OPCML: variants seen among roughly 807,000 people sequenced by gnomAD.
OPCML encodes opioid-binding protein/cell adhesion molecule.
OPCML carries 13 observed loss-of-function variants against 37.8 expected under a neutral mutation model. The observed-to-expected ratio is 0.34, with a 90% confidence interval of 0.22 to 0.55. The LOEUF is 0.55. OPCML is among the 20% of genes least tolerant of loss of function. The pLI is 0.91. For missense variants in OPCML, 341 were observed against 435.6 expected (o/e 0.78, Z 1.93); for synonymous variants, 176 against 168.8 (o/e 1.04, Z -0.33).
intron 4 of OPCML, among the ~76,000 whole-genome samples, chr11:132,469,594 T>TAGGG (rs2096129675): frequency 7.2e-6 from 1 of 139,648 alleles, no homozygotes; most frequent in Non-Finnish European, 1.6e-5. Flanking sequence ...GATGTATGTG[T>TAGGG]ATGTGTATAG....
intron 1 of OPCML, among the ~76,000 whole-genome samples, chr11:133,307,787 A>G (rs1356050253): frequency 6.6e-6 from 1 of 152,168 alleles, no homozygotes; most frequent in Admixed American, 6.5e-5. Flanking sequence ...ATGACCTTCA[A>G]AAAGTGCTTG....
chr11:133,159,697 G>T (rs1950116055), intron 1 of OPCML, among the ~76,000 whole-genome samples: 1 of 152,224 alleles, frequency 6.6e-6, no homozygotes, highest in Non-Finnish European at 1.5e-5. Context: ...GGAAGGCAGG[G>T]CTCTGTCACC....
intron 1 of OPCML, among the ~76,000 whole-genome samples, chr11:133,230,116 C>T (rs1277192917): frequency 6.6e-6 from 1 of 152,164 alleles, no homozygotes; most frequent in South Asian, 2.1e-4. Context: ...TTCTACTCAC[C>T]GTGGTCTTAG....
intron 2 of OPCML, among the ~76,000 whole-genome samples, chr11:132,913,230 T>A (rs967133879): frequency 1.3e-5 from 2 of 152,224 alleles, no homozygotes; most frequent in African/African-American, 4.8e-5. Flanking sequence ...TTAAAATCAA[T>A]GATTTGGAGA....
chr11:133,483,180 G>A (rs1947415285), intron 1 of OPCML, among the ~76,000 whole-genome samples: 1 of 152,052 alleles, frequency 6.6e-6, no homozygotes, highest in African/African-American at 2.4e-5. Context: ...GAAAAATGTT[G>A]AGGTAAAACA....
intron 1 of OPCML, among the ~76,000 whole-genome samples, chr11:133,462,598 A>G (rs1162141303): frequency 2.0e-5 from 3 of 151,154 alleles, no homozygotes; most frequent in Non-Finnish European, 4.4e-5. Context: ...CATGCTAACT[A>G]TTGGAGAAAT....
At chr11:133,449,334 C>A (rs1299224192) in intron 1 of OPCML, among the ~76,000 whole-genome samples, 1 of 152,214 alleles carries the variant, frequency 6.6e-6, no homozygotes. Flanking sequence ...TCTTGGAAAG[C>A]AGCTAAAGGC....
At chr11:133,388,157 T>A (rs544736418) in intron 1 of OPCML, among the ~76,000 whole-genome samples, 1 of 152,326 alleles carries the variant, frequency 6.6e-6, no homozygotes, top group African/African-American at 2.4e-5. Context: ...GGACCATGGC[T>A]GGCCCATAGA....
rs141412273 is a variant in OPCML at position 132,563,370 on chromosome 11, G to A, written c.380-34184C>T. ...ATAAGTGTGAGTGAGAAAGAGGTGT[G>A]TGTATGTTTCTGTATTTGGGTGCCT... is the stretch of plus-strand genomic sequence containing the variant. On this transcript the variant is annotated intron_variant, in intron 3 of 7. Transcript: ENST00000524381. 1.1e-4 allele frequency among the ~76,000 whole-genome samples: 17 copies of A among 152,134 alleles called. No homozygotes were observed. In the East Asian group the frequency reaches 3.1e-3, roughly 28 times the overall value.
intron 2 of OPCML, among the ~76,000 whole-genome samples, chr11:132,806,016 C>T (rs1418609731): frequency 2.6e-5 from 4 of 151,732 alleles, no homozygotes; most frequent in Admixed American, 6.6e-5. Flanking sequence ...CAATAGGAAG[C>T]GAGAATCAGA....
intron 2 of OPCML, among the ~76,000 whole-genome samples, chr11:132,883,388 G>C (rs140980049): frequency 2.6e-5 from 4 of 152,164 alleles, no homozygotes; most frequent in African/African-American, 4.8e-5. Context: ...ACCCGCAAGA[G>C]AGCACAGGAT....
intron 2 of OPCML, among the ~76,000 whole-genome samples, chr11:132,895,253 A>G (rs1376003406): frequency 3.3e-5 from 5 of 152,244 alleles, no homozygotes; most frequent in East Asian, 1.9e-4. Context: ...GGTGACTTCT[A>G]TATATGATAC....
chr11:132,631,111 C>A (rs1234955669), intron 3 of OPCML, among the ~76,000 whole-genome samples: 7 of 151,964 alleles, frequency 4.6e-5, no homozygotes, highest in African/African-American at 1.7e-4. Context: ...TACATTTTCT[C>A]AAACCTAGGG....
chr11:132,895,790 C>A (rs972202700), intron 2 of OPCML, among the ~76,000 whole-genome samples: 1 of 152,092 alleles, frequency 6.6e-6, no homozygotes, highest in African/African-American at 2.4e-5. Flanking sequence ...AATGCTGAGT[C>A]TCCTCAGAAT....
chr11:132,932,034 C>T (rs1262168977), intron 2 of OPCML, among the ~76,000 whole-genome samples: 1 of 152,092 alleles, frequency 6.6e-6, no homozygotes, highest in Non-Finnish European at 1.5e-5. Context: ...AGGATGAATG[C>T]TATAAAATAC....
chr11:133,032,520 C>T (rs1315649437), intron 1 of OPCML, among the ~76,000 whole-genome samples: 1 of 152,176 alleles, frequency 6.6e-6, no homozygotes, highest in Non-Finnish European at 1.5e-5. Context: ...ATCATTTGGA[C>T]ATTGATGCCT....
At chr11:132,668,445 G>C (rs1046103399) in intron 2 of OPCML, among the ~76,000 whole-genome samples, 1 of 152,164 alleles carries the variant, frequency 6.6e-6, no homozygotes, top group African/African-American at 2.4e-5. Context: ...CTTCATTTGT[G>C]CATCTGTGAA....
At chr11:133,045,219 G>T (rs1947984184) in intron 1 of OPCML, among the ~76,000 whole-genome samples, 1 of 152,144 alleles carries the variant, frequency 6.6e-6, no homozygotes, top group Non-Finnish European at 1.5e-5. Context: ...ACCTCTGGCA[G>T]GATGGATTCT....
chr11:132,437,283 T>C lies in OPCML; in HGVS notation c.582A>G (p.Glu194=), dbSNP rs1443126265. 3.1e-6 allele frequency: 5 copies of C among 1,614,230 alleles called. No individual in the cohort carries two copies. The highest frequency in any genetic ancestry group is 3.4e-6 in the Non-Finnish European group (4 of 1,180,054). The change falls in exon 5 of 8, where the codon GAA becomes GAG. Residue 194 remains glutamate, a synonymous_variant. Coordinates refer to ENST00000524381, the MANE Select transcript of OPCML (RefSeq NM_001012393.5). The stretch of plus-strand genomic sequence containing the variant: ...CAGCGACATCGTTCAACGCGCTGCA[T>C]TCGTACTCCCCGGACTGGTCTCGCT... ...DIKRDQSGEY[E]CSALNDVAAP... is the part of the protein sequence containing the mutation.
Sources: gnomAD v4.1 joint callset for allele counts (sites outside exome capture counted in the v4.1 genomes callset) on GRCh38, gnomAD v4.1.1 for gene constraint, MANE v1.5 for transcripts, NCBI Gene and HGNC (gene_info 2026-07-23, HGNC 2026-07-21) for gene names.